MGAT3: variants seen among roughly 807,000 people sequenced by gnomAD.
MGAT3 encodes the protein beta-1,4-mannosyl-glycoprotein 4-beta-N-acetylglucosaminyltransferase.
A neutral mutation model predicts 29.8 loss-of-function variants in MGAT3; 9 were observed. The ratio of observed to expected loss-of-function variants is 0.30; its 90% CI spans 0.18 to 0.53. MGAT3 has a LOEUF of 0.53. Ranked by LOEUF, MGAT3 falls within the 20% of genes least tolerant of loss-of-function variation. The pLI is 0.96. For missense variants in MGAT3, 557 were observed against 769.5 expected (o/e 0.72, Z 3.27); for synonymous variants, 397 against 348.9 (o/e 1.14, Z -1.54).
intron 1 of MGAT3, among the ~76,000 whole-genome samples, chr22:39,474,002 T>A (rs1928883248): frequency 1.3e-5 from 2 of 152,094 alleles, no homozygotes; most frequent in East Asian, 1.9e-4. Flanking sequence ...TTTTCCTGAC[T>A]TTTTGGACCT....
At chr22:39,475,598 T>C (rs1928935631) in intron 1 of MGAT3, among the ~76,000 whole-genome samples, 1 of 152,120 alleles carries the variant, frequency 6.6e-6, no homozygotes, top group East Asian at 1.9e-4. Flanking sequence ...CCCCTGGCCC[T>C]CCCCTTCATC....
chr22:39,483,468 A>C (rs1371066508), intron 1 of MGAT3, among the ~76,000 whole-genome samples: 1 of 151,926 alleles, frequency 6.6e-6, no homozygotes, highest in African/African-American at 2.4e-5. Flanking sequence ...CTGGGCAACA[A>C]GAGCAAAACT....
At chr22:39,475,128 C>CTTGTTTTTTTTTTTTTTTTTTTTTTT (rs1928916830) in intron 1 of MGAT3, among the ~76,000 whole-genome samples, 1 of 118,800 alleles carries the variant, frequency 8.4e-6, no homozygotes, top group African/African-American at 3.7e-5. Context: ...GCTTGCCAGG[C>CTTGTTTTTTTTTTTTTTTTTTTTTTT]TTTTTTTTTT....
intron 1 of MGAT3, among the ~76,000 whole-genome samples, chr22:39,480,098 G>C (rs1005609668): frequency 6.6e-6 from 1 of 152,238 alleles, no homozygotes; most frequent in African/African-American, 2.4e-5. Context: ...ATGATGAGGA[G>C]CTGGGGGAGG....
rs372097244 is a variant in MGAT3, at chr22:39,487,707, C to G, written c.360C>G (p.Pro120=). Residue 120 remains proline (P), a synonymous_variant, in exon 2 of 2, where the codon CCC becomes CCG. Transcript: ENST00000341184. The surrounding 1 kb of genome is among the most constrained non-coding windows in gnomAD (Gnocchi z 5.7). The part of the protein sequence containing the change: ...RTKAGGVCFK[P]GTKMLERPPP... Reference sequence around the variant, plus strand: ...AGGCCGGCGGCGTCTGCTTCAAACCCGGCACCAAGATGCTGGAGAGGCCGC... The same window carrying G: ...AGGCCGGCGGCGTCTGCTTCAAACCGGGCACCAAGATGCTGGAGAGGCCGC... The G allele has an allele frequency of 6.3e-7, 1 of 1,582,142 alleles. No homozygotes were observed. The highest frequency in any genetic ancestry group is 1.4e-5 in the African/African-American group (1 of 73,956).
At chr22:39,472,385 T>C (rs546765926) in intron 1 of MGAT3, among the ~76,000 whole-genome samples, 5 of 152,272 alleles carry the variant, frequency 3.3e-5, no homozygotes, top group African/African-American at 9.6e-5. Flanking sequence ...TCCATGCATA[T>C]AGTGTTCCTT....
intron 1 of MGAT3, among the ~76,000 whole-genome samples, chr22:39,469,967 G>C (rs1467314483): frequency 6.6e-6 from 1 of 152,260 alleles, no homozygotes; most frequent in East Asian, 1.9e-4. Flanking sequence ...CCCCAAACCG[G>C]AGGATATTTG....
intron 1 of MGAT3, chr22:39,486,282 T>G (rs767728430): frequency 5.1e-5 from 18 of 350,314 alleles, no homozygotes; most frequent in South Asian, 3.6e-4. Flanking sequence ...ATAGCTGGGA[T>G]TATAGGCATG....
chr22:39,468,127 G>A (rs1443442394), intron 1 of MGAT3, among the ~76,000 whole-genome samples: 1 of 152,116 alleles, frequency 6.6e-6, no homozygotes, highest in African/African-American at 2.4e-5. Context: ...CTGAGGGCGG[G>A]CTCCCTGGGT....
At chr22:39,480,834 C>T (rs1929102537) in intron 1 of MGAT3, among the ~76,000 whole-genome samples, 1 of 152,242 alleles carries the variant, frequency 6.6e-6, no homozygotes, top group African/African-American at 2.4e-5. Flanking sequence ...CCTGGGGCCA[C>T]CCAGTGTGCT....
In MGAT3 at chr22:39,457,668, G is replaced by A. The variant is rs1406260649; in HGVS notation, c.-2+111G>A. 2.0e-5 allele frequency: 3 copies of A among 150,106 alleles called. No homozygotes were observed. Among genetic ancestry groups the A allele is most frequent in the African/African-American group, 7.3e-5 (3 of 41,190 alleles). 9.3% of individuals were successfully genotyped at this position (150,106 alleles called of 1,614,324 possible). A position where few individuals can be genotyped will look rare whatever the true frequency, so the allele number is the denominator to read the frequency against. ...CGCCCGGCTCCGCGGCCCACTCCCC[G>A]AGCGTGACCTTAGGGGGCGGGCGCG... is the stretch of plus-strand genomic sequence containing the variant. On this transcript the variant is annotated intron_variant, in intron 1 of 1. Coordinates refer to ENST00000341184, the MANE Select transcript of MGAT3 (RefSeq NM_002409.5). The surrounding 1 kb of genome is among the most constrained non-coding windows in gnomAD (Gnocchi z 6.8).
rs1344504718 is a variant in MGAT3 at position 39,457,337 on chromosome 22, C to A, written c.-222C>A. 1 of 142,144 alleles carries A rather than the reference C, an allele frequency of 7.0e-6. No individual in the cohort carries two copies. Among genetic ancestry groups the A allele is most frequent in the African/African-American group, 2.5e-5 (1 of 39,276 alleles). 8.8% of individuals were successfully genotyped at this position (142,144 alleles called of 1,614,324 possible). On this transcript the variant is annotated 5_prime_UTR_variant, in exon 1 of 2. Coordinates refer to ENST00000341184, the MANE Select transcript of MGAT3 (RefSeq NM_002409.5). This position sits in a 1 kb window ranked among gnomAD's most constrained non-coding sequence, Gnocchi z 6.8. Reference sequence around the variant, plus strand: ...GTGCAGCCGAGCGGCCGCGCCGGGTCCCCGGGACGGGGTGGAAGTGGGGGT... The same window carrying A: ...GTGCAGCCGAGCGGCCGCGCCGGGTACCCGGGACGGGGTGGAAGTGGGGGT...
rs1929341633 is a variant in MGAT3, at chr22:39,488,180, C to T, written c.833C>T (p.Pro278Leu). 2 of 1,612,544 alleles carry T rather than the reference C, an allele frequency of 1.2e-6. No homozygotes were observed. The highest frequency in any genetic ancestry group is 1.3e-5 in the African/African-American group (1 of 74,750). Residue 278 changes from proline to leucine, a missense_variant, in exon 2 of 2, where the codon CCG becomes CTG. Transcript: ENST00000341184. ...CTCTATGTCTTCCTGGACCACTTCC[C>T]GCCCGGCGGCCGGCAGGACGGCTGG... ...KVLYVFLDHF[P>L]PGGRQDGWIA...
chr22:39,475,781 T>C (rs1172006368), intron 1 of MGAT3: 2 of 152,312 alleles, frequency 1.3e-5, no homozygotes, highest in Non-Finnish European at 2.9e-5. Context: ...CTGCACAGTC[T>C]AACGTAGGAA....
At chr22:39,474,968 C>T (rs1167508265) in intron 1 of MGAT3, among the ~76,000 whole-genome samples, 1 of 152,082 alleles carries the variant, frequency 6.6e-6, no homozygotes, top group Non-Finnish European at 1.5e-5. Flanking sequence ...GACTGAGGAT[C>T]CGAGATGGAA....
intron 1 of MGAT3, among the ~76,000 whole-genome samples, chr22:39,479,286 C>T (rs1929055739): frequency 6.6e-6 from 1 of 152,198 alleles, no homozygotes; most frequent in Non-Finnish European, 1.5e-5. Flanking sequence ...CTGCAGTGAA[C>T]CTTGACCACC....
rs148408829 is a variant in MGAT3 at position 39,460,278 on chromosome 22, G to T, written c.-2+2721G>T. On this transcript the variant is annotated intron_variant, in intron 1 of 1. Transcript: ENST00000341184. ...AATAATTTACTGTGCTGGACAGAGA[G>T]GACATAGGCCTTGCCCTGAGGAGAT... Among the ~76,000 whole-genome samples the T allele has an allele frequency of 1.6e-3, 249 of 152,354 alleles. 5 individuals are homozygous for T. The East Asian group carries it at 0.043, about 26-fold the overall frequency.
intron 1 of MGAT3, among the ~76,000 whole-genome samples, chr22:39,470,242 G>A (rs1056180222): frequency 6.6e-6 from 1 of 152,228 alleles, no homozygotes; most frequent in Non-Finnish European, 1.5e-5. Context: ...GGGCTTGCGG[G>A]CGGGGGCAGC....
chr22:39,476,683 T>C (rs750203297), intron 1 of MGAT3: 1 of 152,170 alleles, frequency 6.6e-6, no homozygotes, highest in Non-Finnish European at 1.5e-5. Flanking sequence ...GCCTGTCAGC[T>C]TGGGGAGTCT....
Sources: gnomAD v4.1 joint callset for allele counts (sites outside exome capture counted in the v4.1 genomes callset) on GRCh38, gnomAD v4.1.1 for gene constraint, Gnocchi (gnomAD v3.1) non-coding constraint, MANE v1.5 for transcripts, NCBI Gene and HGNC (gene_info 2026-07-23, HGNC 2026-07-21) for gene names.